The following HS3ST4 variants were observed in gnomAD, a reference collection of about 807,000 sequenced individuals.
The protein encoded by HS3ST4 is heparan sulfate-glucosamine 3-sulfotransferase 4, also known as heparan sulfate glucosamine 3-O-sulfotransferase 4.
HS3ST4 carries 17 observed loss-of-function variants against 29.2 expected under a neutral mutation model. The ratio of observed to expected loss-of-function variants is 0.58; its 90% confidence interval spans 0.40 to 0.87. HS3ST4 has a LOEUF of 0.87. Ranked by LOEUF, HS3ST4 falls within the 40% of genes least tolerant of loss-of-function variation. HS3ST4 has a pLI of 0.00. For synonymous variants in HS3ST4, 314 were observed against 285.7 expected (o/e 1.10, Z -1.00); for missense variants, 627 against 634.5 (o/e 0.99, Z 0.13).
chr16:26,074,870 TG>T (rs1898642153), intron 1 of HS3ST4, among the ~76,000 whole-genome samples: 1 of 152,164 alleles, frequency 6.6e-6, no homozygotes, highest in African/African-American at 2.4e-5. Context: ...TGCCTGTCCC[TG>T]TTTTCTTTGT....
chr16:25,841,474 G>A (rs1017486582), intron 1 of HS3ST4, among the ~76,000 whole-genome samples: 3 of 152,070 alleles, frequency 2.0e-5, no homozygotes, highest in African/African-American at 7.2e-5. Context: ...TTGTATAGAT[G>A]TGGTTTCACC....
intron 1 of HS3ST4, among the ~76,000 whole-genome samples, chr16:25,829,229 T>C (rs1967269442): frequency 6.6e-6 from 1 of 152,064 alleles, no homozygotes; most frequent in South Asian, 2.1e-4. Context: ...AGAATAAGAA[T>C]TTACTGTATG....
intron 1 of HS3ST4, among the ~76,000 whole-genome samples, chr16:26,011,183 C>T (rs1010747907): frequency 2.0e-5 from 3 of 152,114 alleles, no homozygotes; most frequent in Non-Finnish European, 4.4e-5. Context: ...AGGGGCCAAG[C>T]CAGTAAGATA....
chr16:25,946,437 T>C (rs772970897), intron 1 of HS3ST4, among the ~76,000 whole-genome samples: 26 of 152,224 alleles, frequency 1.7e-4, no homozygotes, highest in Admixed American at 4.6e-4. Context: ...GGATTAGTTA[T>C]GTTCTTGTGT....
chr16:26,123,263 C>A (rs1282305575), intron 1 of HS3ST4, among the ~76,000 whole-genome samples: 1 of 152,130 alleles, frequency 6.6e-6, no homozygotes, highest in Non-Finnish European at 1.5e-5. Context: ...GAGGACAAAA[C>A]TGAGGATCAA....
chr16:26,102,253 A>G (rs1181971602), intron 1 of HS3ST4, among the ~76,000 whole-genome samples: 3 of 33,770 alleles, frequency 8.9e-5, no homozygotes, highest in Non-Finnish European at 4.1e-4. Flanking sequence ...AATCACAGCA[A>G]TGATTTTTTT....
chr16:25,948,564 T>C (rs1968652889), intron 1 of HS3ST4, among the ~76,000 whole-genome samples: 2 of 152,306 alleles, frequency 1.3e-5, no homozygotes, highest in South Asian at 4.1e-4. Flanking sequence ...TAATTTCTCC[T>C]GTTGCTGCAT....
intron 1 of HS3ST4, among the ~76,000 whole-genome samples, chr16:25,871,523 T>C (rs1421672331): frequency 1.3e-5 from 2 of 152,150 alleles, no homozygotes; most frequent in Admixed American, 6.6e-5. Context: ...TAATAACATA[T>C]ATAGTGCTTA....
chr16:26,073,116 T>C (rs1339221913), intron 1 of HS3ST4, among the ~76,000 whole-genome samples: 1 of 152,182 alleles, frequency 6.6e-6, no homozygotes, highest in Non-Finnish European at 1.5e-5. Context: ...TTTTTCAGTT[T>C]CTTTAATCAA....
chr16:25,992,480 T>C (rs1969123244), intron 1 of HS3ST4, among the ~76,000 whole-genome samples: 2 of 152,216 alleles, frequency 1.3e-5, no homozygotes, highest in Admixed American at 6.5e-5. Flanking sequence ...GTCTAAGATA[T>C]GACAAAGCTA....
At chr16:26,099,072 T>G (rs570468960) in intron 1 of HS3ST4, among the ~76,000 whole-genome samples, 118 of 152,252 alleles carry the variant, frequency 7.8e-4, no homozygotes, top group African/African-American at 2.7e-3. Flanking sequence ...GTAGGCAATA[T>G]CATTATGCTT....
At chr16:26,112,872 G>C (rs4787813) in intron 1 of HS3ST4, among the ~76,000 whole-genome samples, 86,221 of 151,626 alleles carry the variant, frequency 0.57, 24,980 homozygotes, top group Non-Finnish European at 0.64. Context: ...GGTGGAAGGA[G>C]TATAACTTGC....
chr16:25,742,963 C>G (rs569332383), intron 1 of HS3ST4, among the ~76,000 whole-genome samples: 2 of 152,172 alleles, frequency 1.3e-5, no homozygotes, highest in Non-Finnish European at 2.9e-5. Flanking sequence ...TGTTGTTATA[C>G]AAACCCAGCA....
In HS3ST4 at chr16:26,135,961, G is replaced by A. The variant is rs906079505; in HGVS notation, c.1084G>A (p.Val362Met). 6.2e-7 allele frequency: 1 copy of A among 1,613,872 alleles called. No homozygotes were observed. The highest frequency in any genetic ancestry group is 1.7e-5 in the Admixed American group (1 of 60,006). Residue 362 changes from valine (V) to methionine (M), a missense_variant, in exon 2 of 2, where the codon GTG becomes ATG. Val to Met is a conservative substitution (Grantham distance 21). Coordinates refer to ENST00000331351, the MANE Select transcript of HS3ST4 (RefSeq NM_006040.3). ...CTTTGTCAGTGGTGAGCGACTCATT[G>A]TGGACCCCGCCGGGGAAATGGCCAA... Reference protein sequence around the residue: ...ILFVSGERLIVDPAGEMAKVQ... With the variant: ...ILFVSGERLIMDPAGEMAKVQ...
chr16:26,054,269 G>GGAGAGAGAGAGAGAGAGAGAGAGA (rs58364733), intron 1 of HS3ST4, among the ~76,000 whole-genome samples: 2 of 133,644 alleles, frequency 1.5e-5, no homozygotes, highest in African/African-American at 5.7e-5. Context: ...ACAGAGAGAG[G>GGAGAGAGAGAGAGAGAGAGAGAGA]GAGAGAGAGA....
chr16:26,120,585 G>A (rs8049916), intron 1 of HS3ST4, among the ~76,000 whole-genome samples: 24,322 of 152,228 alleles, frequency 0.16, 2,079 homozygotes, highest in Non-Finnish European at 0.19. Flanking sequence ...GAGCTGGTGC[G>A]TGGCAGTGTG....
chr16:26,064,377 A>T (rs1260311059), intron 1 of HS3ST4, among the ~76,000 whole-genome samples: 1 of 152,194 alleles, frequency 6.6e-6, no homozygotes, highest in Admixed American at 6.5e-5. Flanking sequence ...GAGGCTTGCT[A>T]GGTGTCGGGT....
At chr16:25,810,558 G>T (rs896239389) in intron 1 of HS3ST4, among the ~76,000 whole-genome samples, 1 of 152,180 alleles carries the variant, frequency 6.6e-6, no homozygotes, top group African/African-American at 2.4e-5. Context: ...GGGTGTTGAC[G>T]CCCCCAGTTT....
intron 1 of HS3ST4, among the ~76,000 whole-genome samples, chr16:26,122,478 T>A (rs1197185246): frequency 6.6e-6 from 1 of 152,032 alleles, no homozygotes; most frequent in Non-Finnish European, 1.5e-5. Flanking sequence ...ATGACAGAAA[T>A]AAATAAAAGC....
Sources: gnomAD v4.1 joint callset for allele counts (sites outside exome capture counted in the v4.1 genomes callset) on GRCh38, gnomAD v4.1.1 for gene constraint, MANE v1.5 for transcripts, NCBI Gene and HGNC (gene_info 2026-07-23, HGNC 2026-07-21) for gene names.